The following CACNA2D1 variants were observed in gnomAD, a reference collection of about 807,000 sequenced individuals.
CACNA2D1 encodes calcium voltage-gated channel auxiliary subunit alpha2delta 1.
CACNA2D1 carries 53 observed loss-of-function variants against 171.5 expected under a neutral mutation model. The ratio of observed to expected loss-of-function variants is 0.31; its 90% CI spans 0.25 to 0.39. CACNA2D1 has a LOEUF of 0.39. CACNA2D1 is among the 10% of genes least tolerant of loss of function. The pLI, the probability that CACNA2D1 is intolerant of heterozygous loss-of-function variation, is 1.00. For missense variants in CACNA2D1, 903 were observed against 1,299.8 expected, an observed-to-expected ratio of 0.69 and a Z score of 4.69; for synonymous variants, 442 against 443.1, an observed-to-expected ratio of 1.00 and a Z score of 0.03.
chr7:82,095,368 T>G (rs760130788), intron 6 of CACNA2D1, among the ~76,000 whole-genome samples: 6 of 152,174 alleles, frequency 3.9e-5, no homozygotes, highest in Admixed American at 6.5e-5. Flanking sequence ...CGTTTCACTA[T>G]CTTTATGTGT....
intron 1 of CACNA2D1, among the ~76,000 whole-genome samples, chr7:82,390,761 AC>A (rs1170631784): frequency 1.3e-5 from 2 of 152,218 alleles, no homozygotes; most frequent in African/African-American, 2.4e-5. Context: ...ATAAAAATGT[AC>A]AAAGCTCTGT....
intron 3 of CACNA2D1, among the ~76,000 whole-genome samples, chr7:82,266,877 A>G (rs920894005): frequency 6.6e-6 from 1 of 152,212 alleles, no homozygotes; most frequent in Non-Finnish European, 1.5e-5. Flanking sequence ...AATTGTAAGA[A>G]GAACTGTACT....
chr7:82,060,895 C>G (rs1212393736), intron 9 of CACNA2D1, among the ~76,000 whole-genome samples: 2 of 152,086 alleles, frequency 1.3e-5, no homozygotes, highest in African/African-American at 4.8e-5. Flanking sequence ...CTCCAGGGAA[C>G]CCATTGTTTG....
At chr7:82,174,229 C>T (rs1268246522) in intron 3 of CACNA2D1, among the ~76,000 whole-genome samples, 1 of 150,994 alleles carries the variant, frequency 6.6e-6, no homozygotes, top group African/African-American at 2.4e-5. Context: ...AATATAGTAT[C>T]AGACCTTAAA....
At chr7:82,291,483 AT>A (rs896997744) in intron 3 of CACNA2D1, among the ~76,000 whole-genome samples, 5 of 134,428 alleles carry the variant, frequency 3.7e-5, no homozygotes, top group African/African-American at 8.2e-5. Context: ...ATAAAAATAT[AT>A]TATATATATT....
rs1792351579 is a variant in CACNA2D1 at position 81,950,141 on chromosome 7, A to G, written c.*251T>C. 1.9e-6 allele frequency: 1 copy of G among 530,378 alleles called. No individual in the cohort carries two copies. Among genetic ancestry groups the G allele is most frequent in the Admixed American group, 3.4e-5 (1 of 29,232 alleles). 32.9% of individuals were successfully genotyped at this position (530,378 alleles called of 1,614,324 possible). On this transcript the variant is annotated 3_prime_UTR_variant, in exon 39 of 39. Transcript: ENST00000356860. ...AACAAACTCCCAAATTTTCCAATAG[A>G]GGACACGTATAGGATTTTGCTTTGA...
intron 12 of CACNA2D1, among the ~76,000 whole-genome samples, chr7:82,018,698 T>C (rs928901927): frequency 4.6e-5 from 7 of 152,040 alleles, no homozygotes; most frequent in African/African-American, 7.2e-5. Context: ...AAATTGAACT[T>C]AAATCCAGGT....
At chr7:81,950,591 T>C (rs1310100693) in intron 38 of CACNA2D1, 83 bp from the exon 39 acceptor site, 1 of 1,510,410 alleles carries the variant, frequency 6.6e-7, no homozygotes, top group Non-Finnish European at 8.9e-7. Flanking sequence ...TCTTTCAGAG[T>C]AATCCATATT....
chr7:82,373,389 A>G (rs1015139330), intron 1 of CACNA2D1, among the ~76,000 whole-genome samples: 2 of 152,150 alleles, frequency 1.3e-5, no homozygotes, highest in African/African-American at 4.8e-5. Context: ...CACTCCACAC[A>G]CTTATAGACT....
At chr7:82,282,228 G>A (rs1468955186) in intron 3 of CACNA2D1, among the ~76,000 whole-genome samples, 1 of 152,184 alleles carries the variant, frequency 6.6e-6, no homozygotes, top group Non-Finnish European at 1.5e-5. Flanking sequence ...AACCCAGGAG[G>A]CGGAGGTTGC....
At chr7:82,166,269 T>C (rs533003460) in intron 4 of CACNA2D1, among the ~76,000 whole-genome samples, 3 of 152,114 alleles carry the variant, frequency 2.0e-5, no homozygotes, top group Admixed American at 1.3e-4. Context: ...GGACACTCAA[T>C]AACGTACAAC....
At chr7:82,361,736 G>A (rs1011699300) in intron 1 of CACNA2D1, among the ~76,000 whole-genome samples, 4 of 152,070 alleles carry the variant, frequency 2.6e-5, no homozygotes, top group East Asian at 1.9e-4. Context: ...ACTAATGTAC[G>A]TACAGTTATT....
intron 3 of CACNA2D1, among the ~76,000 whole-genome samples, chr7:82,275,843 T>A (rs910433932): frequency 3.9e-5 from 6 of 152,198 alleles, no homozygotes; most frequent in African/African-American, 9.6e-5. Context: ...GATTTTCTCA[T>A]GAAACATAAT....
intron 13 of CACNA2D1, 40 bp from the exon 14 acceptor site, chr7:82,013,550 T>C (rs754701865): frequency 1.3e-6 from 1 of 742,536 alleles, no homozygotes; most frequent in Non-Finnish European, 1.9e-6. Flanking sequence ...AAATGTTACT[T>C]TATAATAAAG....
chr7:82,351,098 T>C (rs1819797544), intron 1 of CACNA2D1, among the ~76,000 whole-genome samples: 1 of 152,170 alleles, frequency 6.6e-6, no homozygotes, highest in South Asian at 2.1e-4. Context: ...CCAAGGCAAT[T>C]GTAAAGAAAC....
chr7:82,068,383 C>G (rs1807913649), intron 7 of CACNA2D1, among the ~76,000 whole-genome samples: 2 of 152,142 alleles, frequency 1.3e-5, no homozygotes, highest in South Asian at 4.1e-4. Flanking sequence ...GGGCCATGAC[C>G]ATGGCCTCTA....
intron 7 of CACNA2D1, among the ~76,000 whole-genome samples, chr7:82,067,988 A>T (rs1807865286): frequency 6.6e-6 from 1 of 152,094 alleles, no homozygotes; most frequent in Non-Finnish European, 1.5e-5. Context: ...CCTTTATCAG[A>T]TGGCACAATT....
chr7:82,111,859 A>G (rs551037164), intron 6 of CACNA2D1, among the ~76,000 whole-genome samples: 1 of 152,284 alleles, frequency 6.6e-6, no homozygotes, highest in East Asian at 1.9e-4. Context: ...TGTTATTGAA[A>G]TCACAGAACA....
chr7:82,280,734 T>G lies in CACNA2D1; in HGVS notation c.294+54401A>C, dbSNP rs1371612082. On this transcript the variant is annotated intron_variant, in intron 3 of 38. Coordinates refer to ENST00000356860, the MANE Select transcript of CACNA2D1 (RefSeq NM_000722.4). ...TTTTGCTTTGATGCCCAGGCTGGAA[T>G]GCACTGGTATGATCATAGCTCACTG... Among the ~76,000 whole-genome samples the G allele has an allele frequency of 2.0e-5, 3 of 152,300 alleles. No homozygotes were observed. The East Asian group carries it at 5.8e-4, about 29-fold the overall frequency.
Sources: gnomAD v4.1 joint callset for allele counts (sites outside exome capture counted in the v4.1 genomes callset) on GRCh38, gnomAD v4.1.1 for gene constraint, MANE v1.5 for transcripts, NCBI Gene and HGNC (gene_info 2026-07-23, HGNC 2026-07-21) for gene names.